The following OR2J1 variants were observed in gnomAD, a reference collection of about 807,000 sequenced individuals.
OR2J1 encodes olfactory receptor 2J1.
In OR2J1, 10 loss-of-function variants were observed where a neutral mutation model predicts 10.2. The ratio of observed to expected loss-of-function variants is 0.98; its 90% CI spans 0.60 to 1.66. The LOEUF (loss-of-function observed/expected upper bound fraction) is 1.66, where lower values mean the gene tolerates loss of function less well. Among genes scored for constraint, OR2J1 ranks in the 40% most tolerant of loss-of-function variants. The pLI is 0.00. For missense variants in OR2J1, 317 were observed against 379.4 expected (o/e 0.84, Z 1.37); for synonymous variants, 143 against 138.8 (o/e 1.03, Z -0.21).
chr6:29,100,824 G>A lies in OR2J1; in HGVS notation c.-119G>A. 1 of 623,226 alleles carries A rather than the reference G, an allele frequency of 1.6e-6. No individual in the cohort carries two copies. 38.6% of individuals were successfully genotyped at this position (623,226 alleles called of 1,614,324 possible). A position where few individuals can be genotyped will look rare whatever the true frequency, so the allele number is the denominator to read the frequency against. The stretch of plus-strand genomic sequence containing the variant: ...ATAAAAATTCTACTGCCATAATGGT[G>A]CACACTATCTGGAATTGGGATACTT... On this transcript the variant is annotated 5_prime_UTR_variant, in exon 2 of 2. Transcript: ENST00000641659.
At position 29,102,013 on chromosome 6, in the gene OR2J1, T is replaced by C; in HGVS notation, c.*132T>C. Reference sequence around the variant, plus strand: ...TGGAATAGTTCAGTTCCCCCATTTGTTGCTCTGTTTAATATTTAGTTCTGA... The same window carrying C: ...TGGAATAGTTCAGTTCCCCCATTTGCTGCTCTGTTTAATATTTAGTTCTGA... On this transcript the variant is annotated 3_prime_UTR_variant, in exon 2 of 2. Coordinates refer to ENST00000641659, the MANE Select transcript of OR2J1 (RefSeq NM_001348294.2). 1.7e-6 allele frequency: 1 copy of C among 585,156 alleles called. No homozygotes were observed. Among genetic ancestry groups the C allele is most frequent in the Non-Finnish European group, 3.0e-6 (1 of 329,778 alleles). 36.2% of individuals were successfully genotyped at this position (585,156 alleles called of 1,614,324 possible).
Position 29,100,743 on chromosome 6 carries a change from A to G in OR2J1, c.-183-17A>G. 5 of 510,430 alleles carry G rather than the reference A, an allele frequency of 9.8e-6. No homozygotes were observed. The South Asian group carries it at 1.0e-4, about 11-fold the overall frequency. The allele number at this position is 510,430 out of a possible 1,614,324, so 31.6% of individuals were successfully genotyped here. A position where few individuals can be genotyped will look rare whatever the true frequency, so the allele number is the denominator to read the frequency against. On this transcript the variant is annotated splice_polypyrimidine_tract_variant and intron_variant, in intron 1 of 1. Coordinates refer to ENST00000641659, the MANE Select transcript of OR2J1 (RefSeq NM_001348294.2). ...AAAGAACTCAGTAACTTGAAAAGCTATTACTTGTATCCACAGCTGGACAAA... is the reference window on the plus strand; with the variant it reads ...AAAGAACTCAGTAACTTGAAAAGCTGTTACTTGTATCCACAGCTGGACAAA...
Position 29,099,748 on chromosome 6 carries a change from A to G in OR2J1, c.-294A>G, listed in dbSNP as rs1761478954. ...TCTGCACAGACTTGGCCCAAGTTCA[A>G]CGTTCCTAGCTCTCCAGCTGTAACT... On this transcript the variant is annotated 5_prime_UTR_variant, in exon 1 of 2. Coordinates refer to ENST00000641659, the MANE Select transcript of OR2J1 (RefSeq NM_001348294.2). 6.6e-6 allele frequency: 1 copy of G among 152,242 alleles called. No homozygotes were observed. Among genetic ancestry groups the G allele is most frequent in the African/African-American group, 2.4e-5 (1 of 41,460 alleles). 9.4% of individuals were successfully genotyped at this position (152,242 alleles called of 1,614,324 possible).
chr6:29,100,342 G>A (rs1041658053), intron 1 of OR2J1, among the ~76,000 whole-genome samples: 22 of 152,254 alleles, frequency 1.4e-4, no homozygotes, highest in South Asian at 6.2e-4. Flanking sequence ...ATAAGTTGGT[G>A]TGTGTGTGCA....
In OR2J1 at chr6:29,101,272, C is replaced by G; in HGVS notation, c.330C>G (p.Thr110=). The G allele has an allele frequency of 6.2e-7, 1 of 1,600,994 alleles. No homozygotes were observed. Among genetic ancestry groups the G allele is most frequent in the Non-Finnish European group, 8.6e-7 (1 of 1,168,074 alleles). The stretch of plus-strand genomic sequence containing the variant: ...TTTACTTTGTTCTCGCACTGGGAAC[C>G]GCAGAGTGTGTCCTACTGGTGGTGA... ...VQLYFVLALG[T]AECVLLVVMS... The change falls in exon 2 of 2, where the codon ACC becomes ACG. Residue 110 remains threonine (T), a synonymous_variant. Coordinates refer to ENST00000641659, the MANE Select transcript of OR2J1 (RefSeq NM_001348294.2).
At position 29,101,207 on chromosome 6, in the gene OR2J1, C is replaced by T; in HGVS notation, c.265C>T (p.Pro89Ser). Residue 89 changes from proline (P) to serine (S), a missense_variant, in exon 2 of 2, where the codon CCG becomes TCG. Pro to Ser is a moderately conservative substitution (Grantham distance 74). Coordinates refer to ENST00000641659, the MANE Select transcript of OR2J1 (RefSeq NM_001348294.2). Reference protein sequence around the residue: ...IPQLLVNLWGPEKTISYAGCT... With the variant: ...IPQLLVNLWGSEKTISYAGCT... ...TCAGTTGCTGGTGAATCTCTGGGGC[C>T]CGGAAAAGACCATCTCTTATGCTGG... 9 of 1,596,760 alleles carry T rather than the reference C, an allele frequency of 5.6e-6. No homozygotes were observed. Among genetic ancestry groups the T allele is most frequent in the Non-Finnish European group, 7.7e-6 (9 of 1,164,256 alleles).
rs1335488201 is a variant in OR2J1, at chr6:29,101,671, A to T, written c.729A>T (p.Gly243=). 1 of 1,613,614 alleles carries T rather than the reference A, an allele frequency of 6.2e-7. No homozygotes were observed. Among genetic ancestry groups the T allele is most frequent in the Non-Finnish European group, 8.5e-7 (1 of 1,179,626 alleles). Residue 243 remains glycine (G), a synonymous_variant, in exon 2 of 2, where the codon GGA becomes GGT. Transcript: ENST00000641659. ...TTCAGAAAGTGCTTAGGACATGTGG[A>T]GCCCATCTTATGGTTGTATCTCTCT... The part of the protein sequence containing the change: ...TGLQKVLRTC[G]AHLMVVSLFF...
chr6:29,100,035 G>A (rs1761502585), intron 1 of OR2J1, among the ~76,000 whole-genome samples, 177 bp downstream of exon 1: 1 of 152,124 alleles, frequency 6.6e-6, no homozygotes, highest in Non-Finnish European at 1.5e-5. Flanking sequence ...TCAGTTATTG[G>A]CCTAAAGCAT....
chr6:29,100,195 G>T (rs9461505), intron 1 of OR2J1, among the ~76,000 whole-genome samples: 1 of 152,050 alleles, frequency 6.6e-6, no homozygotes, highest in Non-Finnish European at 1.5e-5. Context: ...ACACCTCCCG[G>T]TGTTTTTGTT....
chr6:29,101,434 T>A lies in OR2J1; in HGVS notation c.492T>A (p.Thr164=). The change falls in exon 2 of 2, where the codon ACT becomes ACA. Residue 164 remains threonine, a synonymous_variant. Coordinates refer to ENST00000641659, the MANE Select transcript of OR2J1 (RefSeq NM_001348294.2). ...FTTSALHSSF[T]FWIPLCRHRL... ...CCTCAGCACTTCATTCCTCCTTTAC[T>A]TTCTGGATACCCCTATGTAGACATC... 1 of 1,518,088 alleles carries A rather than the reference T, an allele frequency of 6.6e-7. No individual in the cohort carries two copies. The highest frequency in any genetic ancestry group is 9.2e-7 in the Non-Finnish European group (1 of 1,091,518). The allele number at this position is 1,518,088 out of a possible 1,614,324, so 94.0% of individuals were successfully genotyped here.
rs1461562357 is a variant in OR2J1 at position 29,101,893 on chromosome 6, T to C, written c.*12T>C. On this transcript the variant is annotated 3_prime_UTR_variant, in exon 2 of 2. Transcript: ENST00000641659. ...AATGGGGGATGTGACAGGGAAATCA[T>C]GTTGGCTGTTGTTTTTCCTAGGGTC... is the stretch of plus-strand genomic sequence containing the variant. 3 of 1,018,308 alleles carry C rather than the reference T, an allele frequency of 2.9e-6. No individual in the cohort carries two copies. The highest frequency in any genetic ancestry group is 1.4e-5 in the South Asian group (1 of 73,758). 63.1% of individuals were successfully genotyped at this position (1,018,308 alleles called of 1,614,324 possible).
In OR2J1 at chr6:29,099,666, A is replaced by G. The variant is rs1343785488; in HGVS notation, c.-376A>G. The G allele has an allele frequency of 6.6e-6, 1 of 152,222 alleles. No individual in the cohort carries two copies. Among genetic ancestry groups the G allele is most frequent in the Non-Finnish European group, 1.5e-5 (1 of 68,044 alleles). 9.4% of individuals were successfully genotyped at this position (152,222 alleles called of 1,614,324 possible). ...CATGATTTCTCAAAAGGTAATGATC[A>G]TTTCATTATCAACAATATGGAAAAG... On this transcript the variant is annotated 5_prime_UTR_variant, in exon 1 of 2. Coordinates refer to ENST00000641659, the MANE Select transcript of OR2J1 (RefSeq NM_001348294.2).
Position 29,099,682 on chromosome 6 carries a change from T to C in OR2J1, c.-360T>C, listed in dbSNP as rs1312881523. On this transcript the variant is annotated 5_prime_UTR_variant, in exon 1 of 2. Transcript: ENST00000641659. ...GTAATGATCATTTCATTATCAACAA[T>C]ATGGAAAAGTGTACAGATATCTTTG... 1 of 152,138 alleles carries C rather than the reference T, an allele frequency of 6.6e-6. No homozygotes were observed. Among genetic ancestry groups the C allele is most frequent in the Non-Finnish European group, 1.5e-5 (1 of 68,038 alleles). 9.4% of individuals were successfully genotyped at this position (152,138 alleles called of 1,614,324 possible).
rs190677377 is a variant in OR2J1 at position 29,101,549 on chromosome 6, A to T, written c.607A>T (p.Met203Leu). ...TQANELTLMVMSSIFVLIPLI... is the reference protein window; with the variant it reads ...TQANELTLMVLSSIFVLIPLI... ...GGCAAATGAGCTGACCCTCATGGTC[A>T]TGAGCTCCATATTTGTTCTCATACC... Residue 203 changes from methionine to leucine, a missense_variant, in exon 2 of 2, where the codon ATG (methionine) becomes TTG (leucine). Physicochemically the swap from Met to Leu is conservative, Grantham distance 15 (BLOSUM62 2). Transcript: ENST00000641659. The T allele has an allele frequency of 2.4e-5, 38 of 1,591,118 alleles. No individual in the cohort carries two copies. The East Asian group carries it at 7.8e-4, about 33-fold the overall frequency.
chr6:29,102,088 C>T lies in OR2J1; in HGVS notation c.*207C>T. On this transcript the variant is annotated 3_prime_UTR_variant, in exon 2 of 2. Coordinates refer to ENST00000641659, the MANE Select transcript of OR2J1 (RefSeq NM_001348294.2). ...TGATTAGTACCATTTTGTTCTTTTA[C>T]AATTCTATATTTATTTCCATGAAAA... The T allele has an allele frequency of 2.2e-6, 1 of 457,998 alleles. No individual in the cohort carries two copies. Among genetic ancestry groups the T allele is most frequent in the Non-Finnish European group, 3.8e-6 (1 of 261,768 alleles). The allele number at this position is 457,998 out of a possible 1,614,324, so 28.4% of individuals were successfully genotyped here.
At position 29,101,970 on chromosome 6, in the gene OR2J1, C is replaced by G. The variant is rs1761663945; in HGVS notation, c.*89C>G. 1.3e-5 allele frequency: 8 copies of G among 629,394 alleles called. No individual in the cohort carries two copies. The highest frequency in any genetic ancestry group is 2.0e-5 in the Non-Finnish European group (7 of 353,992). 39.0% of individuals were successfully genotyped at this position (629,394 alleles called of 1,614,324 possible). A position where few individuals can be genotyped will look rare whatever the true frequency, so the allele number is the denominator to read the frequency against. On this transcript the variant is annotated 3_prime_UTR_variant, in exon 2 of 2. Transcript: ENST00000641659. Reference sequence around the variant, plus strand: ...TGCTTCTTTGTGATTTGTGTTTCATCTAACAGCTCACAAAACATGGAATAG... The same window carrying G: ...TGCTTCTTTGTGATTTGTGTTTCATGTAACAGCTCACAAAACATGGAATAG...
At position 29,101,549 on chromosome 6, in the gene OR2J1, A is replaced by G; in HGVS notation, c.607A>G (p.Met203Val). 1.3e-6 allele frequency: 2 copies of G among 1,591,118 alleles called. No individual in the cohort carries two copies. The highest frequency in any genetic ancestry group is 1.7e-6 in the Non-Finnish European group (2 of 1,159,046). The change falls in exon 2 of 2, where the codon ATG (methionine) becomes GTG (valine). Residue 203 changes from methionine to valine, a missense_variant. Transcript: ENST00000641659. ...TQANELTLMVMSSIFVLIPLI... is the reference protein window; with the variant it reads ...TQANELTLMVVSSIFVLIPLI... ...GGCAAATGAGCTGACCCTCATGGTC[A>G]TGAGCTCCATATTTGTTCTCATACC...
In OR2J1 at chr6:29,100,703, T is replaced by G. The variant is rs571584721; in HGVS notation, c.-183-57T>G. 115 of 367,594 alleles carry G rather than the reference T, an allele frequency of 3.1e-4. No homozygotes were observed. In the East Asian group the frequency reaches 4.3e-3, roughly 14 times the overall value. The allele number at this position is 367,594 out of a possible 1,614,324, so 22.8% of individuals were successfully genotyped here. On this transcript the variant is annotated intron_variant, in intron 1 of 1. Transcript: ENST00000641659. The stretch of plus-strand genomic sequence containing the variant: ...AGTCTTCATTTATCCAAATGTTAAC[T>G]CAAGGATGTATATAAAAGAACTCAG...
Position 29,102,518 on chromosome 6 carries a change from T to C in OR2J1, c.*637T>C, listed in dbSNP as rs1581899810. On this transcript the variant is annotated 3_prime_UTR_variant, in exon 2 of 2. Coordinates refer to ENST00000641659, the MANE Select transcript of OR2J1 (RefSeq NM_001348294.2). ...GCTGATTCGTTCATCTGTCCATTTA[T>C]TCATTAACTTATTCTTCATTAGCTA... 6.6e-6 allele frequency: 1 copy of C among 152,274 alleles called. No homozygotes were observed. Among genetic ancestry groups the C allele is most frequent in the African/African-American group, 2.4e-5 (1 of 41,476 alleles). 9.4% of individuals were successfully genotyped at this position (152,274 alleles called of 1,614,324 possible).
Sources: allele counts gnomAD v4.1 joint callset (sites outside exome capture counted in the v4.1 genomes callset), GRCh38; gene constraint gnomAD v4.1.1; transcripts MANE v1.5; gene names NCBI Gene and HGNC (gene_info 2026-07-23, HGNC 2026-07-21).